Variants in CBFA2T3 observed in about 807,000 individuals in gnomAD.
CBFA2T3 encodes the protein transcriptional corepressor CBFA2T3.
A neutral mutation model predicts 58.6 loss-of-function variants in CBFA2T3; 31 were observed. The observed-to-expected ratio is 0.53, with a 90% CI of 0.40 to 0.71. The LOEUF is 0.71. CBFA2T3 is among the 30% of genes least tolerant of loss of function. CBFA2T3 has a pLI of 0.00. For missense variants in CBFA2T3, 1,076 were observed against 963.1 expected (o/e 1.12, Z -1.55); for synonymous variants, 531 against 421.9 (o/e 1.26, Z -3.17).
intron 8 of CBFA2T3, among the ~76,000 whole-genome samples, chr16:88,882,292 GTGGCTGTGTGGGGACA>G (rs1372459899): frequency 1.3e-5 from 2 of 152,254 alleles, no homozygotes; most frequent in African/African-American, 4.8e-5. Context: ...GCATACAGGT[GTGGCTGTGTGGGGACA>G]TGGCTGTGTG....
In CBFA2T3 at chr16:88,876,887, G is replaced by C; in HGVS notation, c.*89C>G. On this transcript the variant is annotated 3_prime_UTR_variant, in exon 12 of 12. Transcript: ENST00000268679. ...CGGGGCGCAGTGTCTGGCAGGCCAGGCATCGGAGGCCAGGCACAGCATCCG... is the reference window on the plus strand; with the variant it reads ...CGGGGCGCAGTGTCTGGCAGGCCAGCCATCGGAGGCCAGGCACAGCATCCG... 2.8e-6 allele frequency: 3 copies of C among 1,061,516 alleles called. No individual in the cohort carries two copies. Among genetic ancestry groups the C allele is most frequent in the Middle Eastern group, 3.2e-4 (1 of 3,136 alleles). The allele number at this position is 1,061,516 out of a possible 1,614,324, so 65.8% of individuals were successfully genotyped here. A position where few individuals can be genotyped will look rare whatever the true frequency, so the allele number is the denominator to read the frequency against.
At chr16:88,900,205 T>G (rs1001140126) in intron 2 of CBFA2T3, among the ~76,000 whole-genome samples, 1 of 152,238 alleles carries the variant, frequency 6.6e-6, no homozygotes, top group African/African-American at 2.4e-5. Flanking sequence ...TGGCTCCTAC[T>G]GAGTGCCGGG....
Position 88,892,389 on chromosome 16 carries a change from G to A in CBFA2T3, c.476C>T (p.Ser159Phe). Reference sequence around the variant, plus strand: ...TGGGGGCAGGTGCTGTGTGGACAAGGAGGCTGTGGACGAGGTGGCCGGGCC... The same window carrying A: ...TGGGGGCAGGTGCTGTGTGGACAAGAAGGCTGTGGACGAGGTGGCCGGGCC... ...SNGPATSSTA[S>F]LSTQHLPPAC... Residue 159 changes from serine (S) to phenylalanine (F), a missense_variant, in exon 4 of 12, where the codon TCC becomes TTC. Transcript: ENST00000268679. 1.2e-6 allele frequency: 2 copies of A among 1,613,628 alleles called. No individual in the cohort carries two copies. Among genetic ancestry groups the A allele is most frequent in the East Asian group, 2.2e-5 (1 of 44,872 alleles).
At chr16:88,907,451 G>C (rs1387827264) in intron 1 of CBFA2T3, among the ~76,000 whole-genome samples, 1 of 152,238 alleles carries the variant, frequency 6.6e-6, no homozygotes, top group Non-Finnish European at 1.5e-5. Flanking sequence ...TGCGGAATCT[G>C]ACGAGAAGGG....
In CBFA2T3 at chr16:88,879,273, G is replaced by C. The variant is rs958235020; in HGVS notation, c.1659C>G (p.Ser553Arg). Residue 553 changes from serine to arginine, a missense_variant, in exon 11 of 12, where the codon AGC becomes AGG. By Grantham distance (110) the Ser-to-Arg change is moderately radical (BLOSUM62 -1). Transcript: ENST00000268679. ...CAGCGTGGCCGGGTGGCCCTACCTC[G>C]CTGGAGTCCTCCTGCTGGTTGATGA... is the stretch of plus-strand genomic sequence containing the variant. Reference protein sequence around the residue: ...LTVINQQEDSSESCWNCGRKA... With the variant: ...LTVINQQEDSRESCWNCGRKA... The C allele has an allele frequency of 3.1e-6, 5 of 1,591,230 alleles. No individual in the cohort carries two copies. Among genetic ancestry groups the C allele is most frequent in the Non-Finnish European group, 4.3e-6 (5 of 1,167,298 alleles).
intron 1 of CBFA2T3, among the ~76,000 whole-genome samples, chr16:88,904,060 G>C (rs905990978): frequency 6.6e-6 from 1 of 152,360 alleles, no homozygotes; most frequent in East Asian, 1.9e-4. Flanking sequence ...GGCGCAAGGA[G>C]TCACCACAGC....
chr16:88,939,479 G>C (rs1971630798), intron 1 of CBFA2T3: 1 of 152,300 alleles, frequency 6.6e-6, no homozygotes, highest in Non-Finnish European at 1.5e-5. Flanking sequence ...CTCCTGCTCT[G>C]GGCGCTTCTT....
chr16:88,887,323 G>C (rs778205386), intron 5 of CBFA2T3, among the ~76,000 whole-genome samples: 1 of 152,124 alleles, frequency 6.6e-6, no homozygotes, highest in Non-Finnish European at 1.5e-5. Context: ...CGAGGTCCCG[G>C]GAGGTCTGAG....
At chr16:88,921,483 G>A (rs906914360) in intron 1 of CBFA2T3, among the ~76,000 whole-genome samples, 1 of 152,160 alleles carries the variant, frequency 6.6e-6, no homozygotes, top group African/African-American at 2.4e-5. Flanking sequence ...ATCCAGGGCG[G>A]CGAGTGGGCC....
At chr16:88,877,443 G>T (rs1436054345) in intron 11 of CBFA2T3, among the ~76,000 whole-genome samples, 168 bp from the exon 12 acceptor site, 4 of 152,112 alleles carry the variant, frequency 2.6e-5, no homozygotes, top group Admixed American at 2.6e-4. Flanking sequence ...CCACTCACTG[G>T]GCCATTTTGC....
rs555987218 is a variant in CBFA2T3, at chr16:88,885,318, G to C, written c.894-49C>G. The C allele has an allele frequency of 5.3e-6, 7 of 1,331,812 alleles. No individual in the cohort carries two copies. Among genetic ancestry groups the C allele is most frequent in the African/African-American group, 3.0e-5 (2 of 67,434 alleles). 82.5% of individuals were successfully genotyped at this position (1,331,812 alleles called of 1,614,324 possible). A position where few individuals can be genotyped will look rare whatever the true frequency, so the allele number is the denominator to read the frequency against. On this transcript the variant is annotated intron_variant, in intron 6 of 11. Coordinates refer to ENST00000268679, the MANE Select transcript of CBFA2T3 (RefSeq NM_005187.6). The surrounding 1 kb of genome is among the most constrained non-coding windows in gnomAD (Gnocchi z 5.3). Reference sequence around the variant, plus strand: ...GAGGGCAGTGGACATAGGATGAACCGGGGACAGAGGTGCAGGTGGGGTGAG... The same window carrying C: ...GAGGGCAGTGGACATAGGATGAACCCGGGACAGAGGTGCAGGTGGGGTGAG...
chr16:88,954,589 G>A (rs78009645), intron 1 of CBFA2T3, among the ~76,000 whole-genome samples: 105 of 26,562 alleles, frequency 4.0e-3, no homozygotes, highest in Admixed American at 6.3e-3. Context: ...TCCTGACCCC[G>A]CCCAAGGCTC....
rs568822456 is a variant in CBFA2T3 at position 88,903,194 on chromosome 16, T to A, written c.152-1538A>T. Among the ~76,000 whole-genome samples the A allele has an allele frequency of 3.6e-4, 55 of 152,326 alleles. 1 individual carries two copies. The highest frequency in any genetic ancestry group is 1.3e-3 in the African/African-American group (54 of 41,566). ...CTGTGGAAGGTGACGGATAAATGAC[T>A]TCTACAGCGATCACATGCCAAATAC... On this transcript the variant is annotated intron_variant, in intron 1 of 11. Coordinates refer to ENST00000268679, the MANE Select transcript of CBFA2T3 (RefSeq NM_005187.6).
At chr16:88,938,731 G>A (rs1971597900) in intron 1 of CBFA2T3, 1 of 152,244 alleles carries the variant, frequency 6.6e-6, no homozygotes, top group African/African-American at 2.4e-5. Flanking sequence ...ACGGCACTGG[G>A]GCACGCTGAA....
intron 1 of CBFA2T3, chr16:88,940,922 G>T: frequency 1.6e-6 from 1 of 611,156 alleles, no homozygotes; most frequent in Non-Finnish European, 2.0e-6. Flanking sequence ...AAAACGGCCC[G>T]TGCGCTCGGC....
intron 11 of CBFA2T3, among the ~76,000 whole-genome samples, 190 bp downstream of exon 11, chr16:88,879,080 G>T (rs1357781023): frequency 6.6e-6 from 1 of 152,250 alleles, no homozygotes; most frequent in Non-Finnish European, 1.5e-5. Context: ...TCCATAGGAC[G>T]CCTCACTGAA....
intron 3 of CBFA2T3, 56 bp from the exon 4 acceptor site, chr16:88,892,541 G>C (rs1231196439): frequency 1.3e-6 from 2 of 1,597,590 alleles, no homozygotes; most frequent in East Asian, 2.2e-5. Context: ...ACACAACCCA[G>C]ACGGCGGCGA....
intron 1 of CBFA2T3, among the ~76,000 whole-genome samples, chr16:88,908,329 G>A (rs116724909): frequency 0.04 from 6,045 of 150,510 alleles, 178 homozygotes; most frequent in African/African-American, 0.079. Flanking sequence ...ACAACGGAGC[G>A]AGACTCTGTT....
Position 88,877,143 on chromosome 16 carries a change from G to C in CBFA2T3, c.1795C>G (p.Pro599Ala), listed in dbSNP as rs1030768134. ...ACCGGGTCGGCCACCACGGCTGTGG[G>C]GCCCTGCAGGCTCTGGCCACACACG... ...HHVCGQSLQG[P>A]TAVVADPVPG... The change falls in exon 12 of 12, where the codon CCC (proline) becomes GCC (alanine). Residue 599 changes from proline (P) to alanine (A), a missense_variant. Pro to Ala is a conservative substitution (Grantham distance 27). Transcript: ENST00000268679. The C allele has an allele frequency of 3.2e-6, 5 of 1,550,264 alleles. No individual in the cohort carries two copies. The highest frequency in any genetic ancestry group is 4.4e-6 in the Non-Finnish European group (5 of 1,147,464).
Sources: allele counts gnomAD v4.1 joint callset (sites outside exome capture counted in the v4.1 genomes callset), GRCh38; gene constraint gnomAD v4.1.1; non-coding constraint Gnocchi (gnomAD v3.1); transcripts MANE v1.5; gene names NCBI Gene and HGNC (gene_info 2026-07-23, HGNC 2026-07-21).